MYEF2: variants seen among roughly 807,000 people sequenced by gnomAD.
MYEF2 encodes the protein myelin expression factor 2, also known as myelin gene expression factor 2.
Under a neutral mutation model 75.2 loss-of-function variants are expected in MYEF2, and 37 were observed. The observed-to-expected ratio is 0.49, with a 90% CI of 0.38 to 0.65. MYEF2 has a LOEUF of 0.65. Among genes scored for constraint, MYEF2 ranks in the 30% least tolerant of loss-of-function variants. The pLI, the probability that MYEF2 is intolerant of heterozygous loss-of-function variation, is 0.00. For missense variants in MYEF2, 634 were observed against 771.4 expected (o/e 0.82, Z 2.11); for synonymous variants, 195 against 241.6 (o/e 0.81, Z 1.79).
chr15:48,176,319 G>A (rs1015332641), intron 1 of MYEF2, among the ~76,000 whole-genome samples: 8 of 150,654 alleles, frequency 5.3e-5, no homozygotes, highest in African/African-American at 2.0e-4. Flanking sequence ...TAGACAGTAA[G>A]AGAAATCCCT....
intron 16 of MYEF2, 52 bp from the exon 17 acceptor site, chr15:48,143,123 C>A: frequency 7.6e-7 from 1 of 1,312,988 alleles, no homozygotes; most frequent in Non-Finnish European, 1.0e-6. Context: ...AGTTCTATTT[C>A]ACTTTATAGG....
chr15:48,176,465 T>G (rs1032774048), intron 1 of MYEF2, among the ~76,000 whole-genome samples: 6 of 152,200 alleles, frequency 3.9e-5, no homozygotes, highest in Non-Finnish European at 8.8e-5. Context: ...CTTCCTAAAT[T>G]AGAAAAGGAT....
intron 1 of MYEF2, among the ~76,000 whole-genome samples, chr15:48,174,003 G>A (rs777860106): frequency 2.6e-5 from 4 of 151,896 alleles, no homozygotes; most frequent in South Asian, 2.1e-4. Context: ...CCTGAAATCC[G>A]TATGAACCAT....
In MYEF2 at chr15:48,136,859, C is replaced by A; in HGVS notation, c.*6049G>T. The A allele has an allele frequency of 6.2e-7, 1 of 1,613,826 alleles. No individual in the cohort carries two copies. The highest frequency in any genetic ancestry group is 8.5e-7 in the Non-Finnish European group (1 of 1,179,820). ...ATGGGCTGGGAAGATGAAGGTCAAC[C>A]ATTCATTCGTCGGCAATCAAGAACT... On this transcript the variant is annotated 3_prime_UTR_variant, in exon 17 of 17. Transcript: ENST00000324324.
intron 16 of MYEF2, among the ~76,000 whole-genome samples, chr15:48,144,032 T>C (rs1249654365): frequency 6.6e-6 from 1 of 152,004 alleles, no homozygotes; most frequent in Admixed American, 6.6e-5. Context: ...TACCAAAATA[T>C]TTCCCTCCCC....
intron 5 of MYEF2, among the ~76,000 whole-genome samples, chr15:48,163,800 T>C (rs1823720089): frequency 6.6e-6 from 1 of 152,186 alleles, no homozygotes; most frequent in Non-Finnish European, 1.5e-5. Context: ...ACTCTGTCTG[T>C]GCTCTGTAAA....
chr15:48,137,866 AG>A lies in MYEF2; in HGVS notation c.*5041del, dbSNP rs1237897436. 6.6e-6 allele frequency: 1 copy of A among 152,140 alleles called. No individual in the cohort carries two copies. Among genetic ancestry groups the A allele is most frequent in the African/African-American group, 2.4e-5 (1 of 41,448 alleles). 9.4% of individuals were successfully genotyped at this position (152,140 alleles called of 1,614,324 possible). On this transcript the variant is annotated 3_prime_UTR_variant, in exon 17 of 17. Coordinates refer to ENST00000324324, the MANE Select transcript of MYEF2 (RefSeq NM_016132.5). ...AAACTTTTAGGTAAATAGGTTCAGT[AG>A]GAAGTCAGAAAATTCAGCTATGGTC...
intron 5 of MYEF2, chr15:48,163,015 T>TA (rs887578926): frequency 6.6e-6 from 1 of 152,146 alleles, no homozygotes; most frequent in Non-Finnish European, 1.5e-5. Flanking sequence ...TAGACATGAT[T>TA]AAGCTTAGTG....
intron 3 of MYEF2, 136 bp from the exon 4 acceptor site, chr15:48,166,264 C>T (rs1405042185): frequency 1.5e-6 from 1 of 653,026 alleles, no homozygotes; most frequent in Non-Finnish European, 2.5e-6. Context: ...TCTTTTATAC[C>T]TCCAGAACAT....
chr15:48,164,935 TTTA>T (rs1171281716), intron 5 of MYEF2, among the ~76,000 whole-genome samples: 1 of 152,164 alleles, frequency 6.6e-6, no homozygotes, highest in Non-Finnish European at 1.5e-5. Flanking sequence ...TATGACACAG[TTTA>T]TTGTTATATT....
intron 5 of MYEF2, among the ~76,000 whole-genome samples, chr15:48,165,556 GC>G (rs1304403474): frequency 6.6e-6 from 1 of 151,812 alleles, no homozygotes; most frequent in African/African-American, 2.4e-5. Context: ...TAACATATTT[GC>G]ATTAAGTGAC....
At position 48,159,749 on chromosome 15, in the gene MYEF2, G is replaced by A. The variant is rs370268719; in HGVS notation, c.581C>T (p.Pro194Leu). 5 of 1,613,392 alleles carry A rather than the reference G, an allele frequency of 3.1e-6. No homozygotes were observed. Among genetic ancestry groups the A allele is most frequent in the African/African-American group, 1.3e-5 (1 of 74,854 alleles). Residue 194 changes from proline (P) to leucine (L), a missense_variant, in exon 6 of 17, where the codon CCA becomes CTA. By Grantham distance (98) the Pro-to-Leu change is moderately conservative (BLOSUM62 -3). Transcript: ENST00000324324. ...TCCCATATCAGGGACGTGTCCTCCT[G>A]GAAATGATCCTCCTGTTCGCTGCAA... ...RALQRTGGSF[P>L]GGHVPDMGSG...
In MYEF2 at chr15:48,141,353, T is replaced by G. The variant is rs1031991005; in HGVS notation, c.*1555A>C. On this transcript the variant is annotated 3_prime_UTR_variant, in exon 17 of 17. Transcript: ENST00000324324. ...CAGGATTTTGGGAGGCCGAGGCGGG[T>G]GGATCACGAGGTCAGGAGTTTGAGA... is the stretch of plus-strand genomic sequence containing the variant. 8.6e-6 allele frequency: 5 copies of G among 580,818 alleles called. No individual in the cohort carries two copies. The highest frequency in any genetic ancestry group is 1.5e-5 in the Non-Finnish European group (5 of 330,464). 36.0% of individuals were successfully genotyped at this position (580,818 alleles called of 1,614,324 possible).
At position 48,142,948 on chromosome 15, in the gene MYEF2, C is replaced by T; in HGVS notation, c.1763G>A (p.Ser588Asn). Residue 588 changes from serine to asparagine, a missense_variant, in exon 17 of 17, where the codon AGT (serine) becomes AAT (asparagine). Physicochemically the swap from Ser to Asn is conservative, Grantham distance 46. Coordinates refer to ENST00000324324, the MANE Select transcript of MYEF2 (RefSeq NM_016132.5). The part of the protein sequence containing the change: ...ACRIMNGIKI[S>N]GREIDVRLDR... ...CAAGCGAACATCAATTTCTCTGCCA[C>T]TGATTTTTATGCCATTCATTATTCT... 1 of 1,598,682 alleles carries T rather than the reference C, an allele frequency of 6.3e-7. No homozygotes were observed. Among genetic ancestry groups the T allele is most frequent in the Non-Finnish European group, 8.5e-7 (1 of 1,173,342 alleles).
intron 6 of MYEF2, 102 bp downstream of exon 6, chr15:48,159,511 A>G (rs2039850557): frequency 1.0e-6 from 1 of 981,960 alleles, no homozygotes; most frequent in African/African-American, 1.7e-5. Flanking sequence ...CACTTACTTT[A>G]GTTAAAAATA....
At chr15:48,167,030 A>G (rs1288392965) in intron 3 of MYEF2, among the ~76,000 whole-genome samples, 1 of 152,046 alleles carries the variant, frequency 6.6e-6, no homozygotes, top group Non-Finnish European at 1.5e-5. Context: ...TTATCAATTC[A>G]GTGACTTTTA....
At chr15:48,173,312 C>G (rs576825437) in intron 1 of MYEF2, among the ~76,000 whole-genome samples, 2 of 152,238 alleles carry the variant, frequency 1.3e-5, no homozygotes, top group African/African-American at 4.8e-5. Context: ...AAGATAAACA[C>G]TCTCAACAAA....
intron 2 of MYEF2, 43 bp downstream of exon 2, chr15:48,168,588 A>G (rs1307992812): frequency 2.2e-5 from 33 of 1,497,290 alleles, no homozygotes; most frequent in Non-Finnish European, 3.1e-5. Flanking sequence ...TCCCCTGCCT[A>G]TATGAAGATT....
intron 5 of MYEF2, among the ~76,000 whole-genome samples, chr15:48,164,075 C>T (rs745657718): frequency 7.9e-5 from 12 of 152,124 alleles, no homozygotes; most frequent in Non-Finnish European, 1.8e-4. Context: ...TTAAGAAATA[C>T]AATTTGTAAG....
Sources: allele counts gnomAD v4.1 joint callset (sites outside exome capture counted in the v4.1 genomes callset), GRCh38; gene constraint gnomAD v4.1.1; transcripts MANE v1.5; gene names NCBI Gene and HGNC (gene_info 2026-07-23, HGNC 2026-07-21).